The following RNF25 variants were observed in gnomAD, a reference collection of about 807,000 sequenced individuals.
RNF25 encodes E3 ubiquitin-protein ligase RNF25.
In RNF25, 32 loss-of-function variants were observed where a neutral mutation model predicts 65.0. That is an observed-to-expected ratio of 0.49 (90% CI 0.37 to 0.66). The LOEUF is 0.66. Among genes scored for constraint, RNF25 ranks in the 30% least tolerant of loss-of-function variants. The pLI, the probability that RNF25 is intolerant of heterozygous loss-of-function variation, is 0.00. For missense variants in RNF25, 493 were observed against 584.8 expected, an observed-to-expected ratio of 0.84 and a Z score of 1.62; for synonymous variants, 207 against 221.2, an observed-to-expected ratio of 0.94 and a Z score of 0.57.
chr2:218,668,826 C>G, intron 1 of RNF25, 147 bp from the exon 2 acceptor site: 1 of 634,042 alleles, frequency 1.6e-6, no homozygotes. Flanking sequence ...GAATATGTTA[C>G]CTTAAGTTGT....
chr2:218,665,064 A>C, intron 8 of RNF25, 91 bp downstream of exon 8: 1 of 1,457,290 alleles, frequency 6.9e-7, no homozygotes, highest in Non-Finnish European at 9.5e-7. Context: ...GCCCAATTTC[A>C]GAGATCCCAT....
chr2:218,663,933 C>T lies in RNF25; in HGVS notation c.*24G>A, dbSNP rs1424921085. 4 of 1,421,042 alleles carry T rather than the reference C, an allele frequency of 2.8e-6. No individual in the cohort carries two copies. The highest frequency in any genetic ancestry group is 1.4e-5 in the African/African-American group (1 of 69,928). The allele number at this position is 1,421,042 out of a possible 1,614,324, so 88.0% of individuals were successfully genotyped here. ...TATTGCCTCCCTCCCATCCCCAATT[C>T]CCTGTTCCCCCCACCAAGTCCTGCT... is the stretch of plus-strand genomic sequence containing the variant. On this transcript the variant is annotated 3_prime_UTR_variant, in exon 10 of 10. Transcript: ENST00000295704.
At chr2:218,665,297 T>G in intron 7 of RNF25, 50 bp from the exon 8 acceptor site, 1 of 1,550,840 alleles carries the variant, frequency 6.4e-7, no homozygotes, top group Non-Finnish European at 8.8e-7. Context: ...GGATGCCCCC[T>G]GGTGCTGACC....
In RNF25 at chr2:218,664,789, T is replaced by C. The variant is rs149292427; in HGVS notation, c.751A>G (p.Ile251Val). The change falls in exon 9 of 10, where the codon ATC (isoleucine) becomes GTC (valine). Residue 251 changes from isoleucine (I) to valine (V), a missense_variant. Physicochemically the swap from Ile to Val is conservative, Grantham distance 29. Around this residue, in one of 3 missense-constraint regions of RNF25, gnomAD observed 351 missense variants for 400.2 expected, o/e 0.88. Coordinates refer to ENST00000295704, the MANE Select transcript of RNF25 (RefSeq NM_022453.3). The surrounding 1 kb of genome is among the most constrained non-coding windows in gnomAD (Gnocchi z 5.1). ...TTTCGCTCAGCCTCAAGGTCAATGA[T>C]TCCCCCCCGCTCCTGCTGCCTCTGG... ...LYQRQQERGG[I>V]IDLEAERNRY... The C allele has an allele frequency of 9.4e-5, 151 of 1,614,118 alleles. No individual in the cohort carries two copies. Among genetic ancestry groups the C allele is most frequent in the Non-Finnish European group, 1.2e-4 (136 of 1,180,052 alleles).
intron 1 of RNF25, among the ~76,000 whole-genome samples, chr2:218,669,276 T>C (rs753073159): frequency 1.3e-5 from 2 of 152,208 alleles, no homozygotes; most frequent in Non-Finnish European, 1.5e-5. Flanking sequence ...TTACAAGCTA[T>C]GCAATCTGGG....
chr2:218,665,370 T>G lies in RNF25; in HGVS notation c.574-123A>C, dbSNP rs898106109. The G allele has an allele frequency of 1.4e-5, 11 of 784,290 alleles. No individual in the cohort carries two copies. In the Admixed American group the frequency reaches 1.9e-4, roughly 14 times the overall value. The allele number at this position is 784,290 out of a possible 1,614,324, so 48.6% of individuals were successfully genotyped here. ...GGGCACAGGGACACCGGTTCAGCAG[T>G]GAGTTGGGACAGAGCACGGGTTGTC... is the stretch of plus-strand genomic sequence containing the variant. On this transcript the variant is annotated intron_variant, in intron 7 of 9. Transcript: ENST00000295704.
chr2:218,669,898 A>G (rs1446646570), intron 1 of RNF25, among the ~76,000 whole-genome samples: 2 of 151,918 alleles, frequency 1.3e-5, no homozygotes, highest in African/African-American at 4.8e-5. Context: ...TGCTGTCTCC[A>G]TGGCTCAAGG....
At chr2:218,669,051 T>G (rs1308075973) in intron 1 of RNF25, among the ~76,000 whole-genome samples, 1 of 152,290 alleles carries the variant, frequency 6.6e-6, no homozygotes, top group East Asian at 1.9e-4. Flanking sequence ...TCATTAGCAT[T>G]AACGTTACCA....
In RNF25 at chr2:218,664,892, G is replaced by C; in HGVS notation, c.667-19C>G. On this transcript the variant is annotated intron_variant, in intron 8 of 9. Coordinates refer to ENST00000295704, the MANE Select transcript of RNF25 (RefSeq NM_022453.3). The surrounding 1 kb of genome is among the most constrained non-coding windows in gnomAD (Gnocchi z 5.1). ...ACAGCTCCTGGAAGGAAGAATGGCA[G>C]AGAGGAAATAATGAACAGCAGAAGG... is the stretch of plus-strand genomic sequence containing the variant. 2 of 1,613,948 alleles carry C rather than the reference G, an allele frequency of 1.2e-6. No individual in the cohort carries two copies. Among genetic ancestry groups the C allele is most frequent in the Non-Finnish European group, 1.7e-6 (2 of 1,179,982 alleles).
chr2:218,671,368 T>G (rs1184891079), intron 1 of RNF25, among the ~76,000 whole-genome samples: 1 of 152,162 alleles, frequency 6.6e-6, no homozygotes, highest in East Asian at 1.9e-4. Flanking sequence ...TTGATCCTAC[T>G]TCCAAATCCC....
At chr2:218,666,620 A>C (rs1425284467) in intron 5 of RNF25, among the ~76,000 whole-genome samples, 2 of 152,204 alleles carry the variant, frequency 1.3e-5, no homozygotes, top group Admixed American at 1.3e-4. Context: ...GTTTGTTCTA[A>C]GTCAGCTTTC....
chr2:218,668,479 C>T lies in RNF25; in HGVS notation c.116+126G>A, dbSNP rs970042669. The T allele has an allele frequency of 5.1e-6, 5 of 981,340 alleles. No homozygotes were observed. In the African/African-American group the frequency reaches 8.0e-5, roughly 16 times the overall value. 60.8% of individuals were successfully genotyped at this position (981,340 alleles called of 1,614,324 possible). On this transcript the variant is annotated intron_variant, in intron 2 of 9. Transcript: ENST00000295704. The stretch of plus-strand genomic sequence containing the variant: ...TTTTGGGGTAGGATTAAAGGAATAG[C>T]TTTTGTCTACACAAGAGAAATATTA...
At chr2:218,668,393 G>A (rs1559323209) in intron 2 of RNF25, 52 bp from the exon 3 acceptor site, 2 of 1,272,400 alleles carry the variant, frequency 1.6e-6, no homozygotes, top group Non-Finnish European at 2.3e-6. Flanking sequence ...GGGCTTGGGG[G>A]CTGGGGAGGA....
rs1173972259 is a variant in RNF25 at position 218,664,413 on chromosome 2, C to T, written c.924G>A (p.Leu308=). 1 of 1,614,142 alleles carries T rather than the reference C, an allele frequency of 6.2e-7. No homozygotes were observed. The highest frequency in any genetic ancestry group is 1.7e-5 in the Admixed American group (1 of 60,020). ...CACATATGTGCTGGGTCGCCACAGG[C>T]AGAGGAGGTGGCAAAGTGGATTGGA... The part of the protein sequence containing the change: ...PAVQSTLPPP[L]PVATQHICEK... Residue 308 remains leucine (L), a synonymous_variant, in exon 10 of 10, where the codon CTG becomes CTA. Transcript: ENST00000295704. The surrounding 1 kb of genome is among the most constrained non-coding windows in gnomAD (Gnocchi z 5.1).
intron 1 of RNF25, among the ~76,000 whole-genome samples, chr2:218,669,892 G>A (rs1041667730): frequency 6.6e-6 from 1 of 151,882 alleles, no homozygotes; most frequent in African/African-American, 2.4e-5. Context: ...CATTGTTGCT[G>A]TCTCCATGGC....
intron 5 of RNF25, 134 bp downstream of exon 5, chr2:218,667,778 T>G: frequency 1.3e-6 from 1 of 770,858 alleles, no homozygotes; most frequent in South Asian, 2.1e-5. Context: ...GAGTCTCATT[T>G]CTCTGGATTA....
Position 218,664,411 on chromosome 2 carries a change from G to T in RNF25, c.926C>A (p.Pro309His), listed in dbSNP as rs762401032. 2.5e-6 allele frequency: 4 copies of T among 1,614,202 alleles called. No individual in the cohort carries two copies. The highest frequency in any genetic ancestry group is 3.4e-6 in the Non-Finnish European group (4 of 1,180,030). The change falls in exon 10 of 10, where the codon CCT becomes CAT. Residue 309 changes from proline (P) to histidine (H), a missense_variant. By Grantham distance (77) the Pro-to-His change is moderately conservative. Coordinates refer to ENST00000295704, the MANE Select transcript of RNF25 (RefSeq NM_022453.3). The surrounding 1 kb of genome is among the most constrained non-coding windows in gnomAD (Gnocchi z 5.1). ...CTCACATATGTGCTGGGTCGCCACAGGCAGAGGAGGTGGCAAAGTGGATTG... is the reference window on the plus strand; with the variant it reads ...CTCACATATGTGCTGGGTCGCCACATGCAGAGGAGGTGGCAAAGTGGATTG... ...AVQSTLPPPL[P>H]VATQHICEKI...
Position 218,668,684 on chromosome 2 carries a change from A to C in RNF25, c.42-5T>G, listed in dbSNP as rs764989231. On this transcript the variant is annotated splice_region_variant and splice_polypyrimidine_tract_variant and intron_variant, in intron 1 of 9. Transcript: ENST00000295704. ...TCAACTTCAGAGGGAAGGACCCTAGAGAGACAGGAGTAGACTAACTTACCA... is the reference window on the plus strand; with the variant it reads ...TCAACTTCAGAGGGAAGGACCCTAGCGAGACAGGAGTAGACTAACTTACCA... 17 of 1,594,122 alleles carry C rather than the reference A, an allele frequency of 1.1e-5. 1 individual carries two copies. The East Asian group carries it at 2.2e-4, about 21-fold the overall frequency.
At chr2:218,666,133 T>G in intron 6 of RNF25, 26 bp downstream of exon 6, 2 of 1,612,840 alleles carry the variant, frequency 1.2e-6, no homozygotes, top group Non-Finnish European at 1.7e-6. Flanking sequence ...CCAAACAGAA[T>G]GCCAGGTCCC....
Sources: allele counts gnomAD v4.1 joint callset (sites outside exome capture counted in the v4.1 genomes callset), GRCh38; gene constraint gnomAD v4.1.1; regional missense constraint gnomAD v4.1.1; non-coding constraint Gnocchi (gnomAD v3.1); transcripts MANE v1.5; gene names NCBI Gene and HGNC (gene_info 2026-07-23, HGNC 2026-07-21).